The following NEXMIF variants were observed in gnomAD, a reference collection of about 807,000 sequenced individuals.
NEXMIF encodes the protein neurite extension and migration factor.
Under a neutral mutation model 62.1 loss-of-function variants are expected in NEXMIF, and 8 were observed. That is an observed-to-expected ratio of 0.13 (90% CI 0.08 to 0.23). The LOEUF (loss-of-function observed/expected upper bound fraction) is 0.23, where lower values mean the gene tolerates loss of function less well. NEXMIF is among the 10% of genes least tolerant of loss of function. NEXMIF has a pLI of 1.00. For missense variants in NEXMIF, 976 were observed against 1,113.3 expected, an observed-to-expected ratio of 0.88 and a Z score of 1.75; for synonymous variants, 404 against 416.6, an observed-to-expected ratio of 0.97 and a Z score of 0.37.
At chrX:74,834,539 C>A (rs1029169726) in intron 1 of NEXMIF, among the ~76,000 whole-genome samples, 1 of 111,536 alleles carries the variant, frequency 9.0e-6, no homozygotes, top group Non-Finnish European at 1.9e-5. Flanking sequence ...GTCTTTATTT[C>A]TGCTTCATGC....
intron 1 of NEXMIF, among the ~76,000 whole-genome samples, chrX:74,803,396 AAAAT>A (rs921750881): frequency 2.7e-5 from 3 of 110,016 alleles, no homozygotes; most frequent in East Asian, 2.8e-4. Flanking sequence ...TAAAAATACA[AAAAT>A]AAATAAATAA....
intron 1 of NEXMIF, among the ~76,000 whole-genome samples, chrX:74,878,402 CA>C (rs1384396287): frequency 4.5e-5 from 5 of 112,278 alleles, no homozygotes; most frequent in Non-Finnish European, 7.5e-5. Flanking sequence ...AGCTGTCAGA[CA>C]GGGACATTTA....
intron 1 of NEXMIF, among the ~76,000 whole-genome samples, chrX:74,822,881 T>C (rs1177098444): frequency 1.8e-5 from 2 of 112,055 alleles, no homozygotes; most frequent in African/African-American, 6.5e-5. Context: ...AAAACATATG[T>C]CCGCAGAAAC....
At chrX:74,916,395 C>A (rs1263822217) in intron 1 of NEXMIF, among the ~76,000 whole-genome samples, 1 of 111,971 alleles carries the variant, frequency 8.9e-6, no homozygotes, top group Non-Finnish European at 1.9e-5. Flanking sequence ...GAAATTTAAT[C>A]CCTGATGTGG....
At chrX:74,912,192 T>C (rs2080792549) in intron 1 of NEXMIF, among the ~76,000 whole-genome samples, 2 of 111,677 alleles carry the variant, frequency 1.8e-5, no homozygotes, top group Admixed American at 1.9e-4. Context: ...ACAGAGTTCT[T>C]ACATAAATGC....
At chrX:74,874,339 T>A (rs1488956311) in intron 1 of NEXMIF, among the ~76,000 whole-genome samples, 3 of 104,445 alleles carry the variant, frequency 2.9e-5, no homozygotes, top group African/African-American at 1.1e-4. Context: ...TCTGTTCTGT[T>A]CCATTGATCT....
At chrX:74,802,013 C>G (rs929279092) in intron 1 of NEXMIF, among the ~76,000 whole-genome samples, 1 of 111,934 alleles carries the variant, frequency 8.9e-6, no homozygotes, top group African/African-American at 3.2e-5. Flanking sequence ...AGAACTGTAT[C>G]TTGTGATTTG....
intron 1 of NEXMIF, among the ~76,000 whole-genome samples, chrX:74,819,825 TC>T (rs999308877): frequency 1.8e-5 from 2 of 111,843 alleles, no homozygotes; most frequent in African/African-American, 6.5e-5. Context: ...GACCCAGCAA[TC>T]CCATTACTGG....
At chrX:74,893,566 C>T (rs746373115) in intron 1 of NEXMIF, among the ~76,000 whole-genome samples, 58 of 111,765 alleles carry the variant, frequency 5.2e-4, no homozygotes, top group African/African-American at 1.8e-3. Context: ...CCTCAACAAA[C>T]ATAGGAGAGA....
At chrX:74,923,478 T>A (rs1226372334) in intron 1 of NEXMIF, among the ~76,000 whole-genome samples, 1 of 112,263 alleles carries the variant, frequency 8.9e-6, no homozygotes, top group Non-Finnish European at 1.9e-5. Flanking sequence ...TACTTAGGAC[T>A]TTTTTGTTCC....
At chrX:74,913,879 G>T (rs1490308896) in intron 1 of NEXMIF, among the ~76,000 whole-genome samples, 1 of 111,864 alleles carries the variant, frequency 8.9e-6, no homozygotes, top group Non-Finnish European at 1.9e-5. Flanking sequence ...ATAATTTGTT[G>T]CTAGCAAACC....
At chrX:74,921,812 C>T (rs1298987328) in intron 1 of NEXMIF, among the ~76,000 whole-genome samples, 1 of 111,647 alleles carries the variant, frequency 9.0e-6, no homozygotes, top group African/African-American at 3.3e-5. Context: ...TCAATCATTC[C>T]CCTTCCCTTT....
chrX:74,885,158 G>A (rs1481731655), intron 1 of NEXMIF, among the ~76,000 whole-genome samples: 1 of 110,479 alleles, frequency 9.1e-6, no homozygotes, highest in Non-Finnish European at 1.9e-5. Context: ...TGTGTAGAGG[G>A]AAATTTATAG....
chrX:74,815,934 TA>T (rs1396776416), intron 1 of NEXMIF, among the ~76,000 whole-genome samples: 1 of 111,436 alleles, frequency 9.0e-6, no homozygotes, highest in Non-Finnish European at 1.9e-5. Context: ...GTGCCTGGCC[TA>T]CAACTACTTT....
chrX:74,750,466 G>T (rs2080138628), intron 1 of NEXMIF, among the ~76,000 whole-genome samples: 1 of 112,015 alleles, frequency 8.9e-6, no homozygotes, highest in Admixed American at 9.5e-5. Context: ...ACACTGGAAA[G>T]AAAGCAACTG....
At chrX:74,759,679 T>C (rs1400561125) in intron 1 of NEXMIF, among the ~76,000 whole-genome samples, 1 of 111,890 alleles carries the variant, frequency 8.9e-6, no homozygotes, top group Non-Finnish European at 1.9e-5. Context: ...GTCCACTGTG[T>C]TGAAGATTAG....
intron 1 of NEXMIF, among the ~76,000 whole-genome samples, chrX:74,764,459 G>T (rs1211982637): frequency 9.0e-6 from 1 of 111,689 alleles, no homozygotes; most frequent in East Asian, 2.8e-4. Context: ...CCAGGCTTTG[G>T]TATCAGGATG....
At chrX:74,800,554 CA>C (rs1220678012) in intron 1 of NEXMIF, among the ~76,000 whole-genome samples, 1 of 110,919 alleles carries the variant, frequency 9.0e-6, no homozygotes, top group Non-Finnish European at 1.9e-5. Flanking sequence ...AAAATTCCCT[CA>C]AGCTACCCCT....
intron 1 of NEXMIF, among the ~76,000 whole-genome samples, chrX:74,899,755 A>G (rs1198843816): frequency 2.7e-5 from 3 of 111,815 alleles, no homozygotes; most frequent in Admixed American, 9.5e-5. Flanking sequence ...TGGAACCACA[A>G]AAGACCCTGA....
Sources: gnomAD v4.1 joint callset for allele counts (sites outside exome capture counted in the v4.1 genomes callset) on GRCh38, gnomAD v4.1.1 for gene constraint, MANE v1.5 for transcripts, NCBI Gene and HGNC (gene_info 2026-07-23, HGNC 2026-07-21) for gene names.